The following SMARCA2 variants were observed in gnomAD, a reference collection of about 807,000 sequenced individuals.
SMARCA2 encodes the protein SWI/SNF-related matrix-associated actin-dependent regulator of chromatin subfamily A member 2.
Under a neutral mutation model 199.8 loss-of-function variants are expected in SMARCA2, and 61 were observed. The observed-to-expected ratio is 0.31, with a 90% confidence interval of 0.25 to 0.38. SMARCA2 has a LOEUF of 0.38. Ranked by LOEUF, SMARCA2 falls within the 10% of genes least tolerant of loss-of-function variation. SMARCA2 has a pLI of 1.00. For synonymous variants in SMARCA2, 935 were observed against 732.0 expected, an observed-to-expected ratio of 1.28 and a Z score of -4.48; for missense variants, 1,344 against 2,012.2, an observed-to-expected ratio of 0.67 and a Z score of 6.35.
At chr9:2,052,295 A>G (rs1282187864) in intron 5 of SMARCA2, among the ~76,000 whole-genome samples, 1 of 152,120 alleles carries the variant, frequency 6.6e-6, no homozygotes, top group East Asian at 1.9e-4. Flanking sequence ...CCAACATGGC[A>G]AAACCCCGTC....
At chr9:2,189,878 C>T (rs1004374142) in intron 32 of SMARCA2, among the ~76,000 whole-genome samples, 11 of 150,348 alleles carry the variant, frequency 7.3e-5, no homozygotes, top group African/African-American at 2.8e-4. Flanking sequence ...TTTTGTGGGT[C>T]CCTCTACTTC....
chr9:2,119,505 T>C lies in SMARCA2; in HGVS notation c.3732T>C (p.Ala1244=). The change falls in exon 26 of 34, where the codon GCT becomes GCC. Residue 1244 remains alanine (A), a synonymous_variant. Transcript: ENST00000349721. This position sits in a 1 kb window ranked among gnomAD's most constrained non-coding sequence, Gnocchi z 4.6. ...ATGAGACTCTGAACCAAATGATTGC[T>C]CGACGAGAAGAAGAATTTGACCTTT... is the stretch of plus-strand genomic sequence containing the variant. The part of the protein sequence containing the change: ...PDDETLNQMI[A]RREEEFDLFM... 6 of 1,613,180 alleles carry C rather than the reference T, an allele frequency of 3.7e-6. No individual in the cohort carries two copies. The highest frequency in any genetic ancestry group is 5.1e-6 in the Non-Finnish European group (6 of 1,179,196).
chr9:2,101,611 C>A lies in SMARCA2; in HGVS notation c.3120C>A (p.Ile1040=). ...ACCTAGGCTATTCAAATGGGGTCATCAATGGGTAAATCTCAAATTTTTTTT... is the reference window on the plus strand; with the variant it reads ...ACCTAGGCTATTCAAATGGGGTCATAAATGGGTAAATCTCAAATTTTTTTT... ...AEHLGYSNGV[I]NGAELYRASG... The change falls in exon 22 of 34, where the codon ATC becomes ATA. Residue 1040 remains isoleucine (I), a synonymous_variant. Coordinates refer to ENST00000349721, the MANE Select transcript of SMARCA2 (RefSeq NM_003070.5). 1.3e-6 allele frequency: 2 copies of A among 1,536,384 alleles called. No individual in the cohort carries two copies. The highest frequency in any genetic ancestry group is 1.8e-6 in the Non-Finnish European group (2 of 1,119,382).
intron 19 of SMARCA2, among the ~76,000 whole-genome samples, chr9:2,091,802 G>A (rs886894149): frequency 6.6e-6 from 1 of 152,110 alleles, no homozygotes; most frequent in Non-Finnish European, 1.5e-5. Context: ...CCATTCAATA[G>A]GTGCATAGTG....
intron 31 of SMARCA2, 22 bp from the exon 32 acceptor site, chr9:2,186,074 A>G (rs1297014796): frequency 2.5e-6 from 4 of 1,611,134 alleles, no homozygotes; most frequent in Non-Finnish European, 3.4e-6. Flanking sequence ...CAGTTTTAAC[A>G]GATGCCCCTT....
At chr9:2,054,843 T>C (rs911482169) in intron 6 of SMARCA2, 120 bp downstream of exon 6, 16 of 991,126 alleles carry the variant, frequency 1.6e-5, no homozygotes, top group Non-Finnish European at 2.2e-5. Context: ...GATATAAATA[T>C]AGTAAAATAG....
rs1336414670 is a variant in SMARCA2 at position 2,086,611 on chromosome 9, G to C, written c.2527-218G>C. 1.3e-5 allele frequency among the ~76,000 whole-genome samples: 2 copies of C among 152,182 alleles called. No homozygotes were observed. Among genetic ancestry groups the C allele is most frequent in the Admixed American group, 6.5e-5 (1 of 15,274 alleles). On this transcript the variant is annotated intron_variant, in intron 17 of 33. Transcript: ENST00000349721. The surrounding 1 kb of genome is among the most constrained non-coding windows in gnomAD (Gnocchi z 4.3). ...AAGTTGATTTGGAATTACGTGGTCT[G>C]TAAGGAACATTGTTCCTTTAACATT...
intron 28 of SMARCA2, among the ~76,000 whole-genome samples, chr9:2,168,237 C>T (rs941330853): frequency 6.6e-6 from 1 of 152,224 alleles, no homozygotes; most frequent in East Asian, 1.9e-4. Context: ...TCTCGAACTC[C>T]TGACCTCAGG....
Position 2,178,470 on chromosome 9 carries a change from C to T in SMARCA2, c.4254-3101C>T, listed in dbSNP as rs562002812. Among the ~76,000 whole-genome samples the T allele has an allele frequency of 7.2e-4, 109 of 152,206 alleles. 1 individual carries two copies. Among genetic ancestry groups the T allele is most frequent in the African/African-American group, 2.4e-3 (100 of 41,536 alleles). ...TTGTGTAAAATGACATAATGGAAAA[C>T]ACCTTGGGATAGGATAAGCATTTCA... is the stretch of plus-strand genomic sequence containing the variant. On this transcript the variant is annotated intron_variant, in intron 29 of 33. Transcript: ENST00000349721.
intron 27 of SMARCA2, among the ~76,000 whole-genome samples, chr9:2,136,186 C>CTTTT (rs35768052): frequency 7.6e-6 from 1 of 131,540 alleles, no homozygotes; most frequent in Non-Finnish European, 1.7e-5. Context: ...TCCCCTGCTT[C>CTTTT]TTTTTTTTTT....
intron 2 of SMARCA2, 70 bp downstream of exon 2, chr9:2,029,317 TC>T: frequency 6.5e-7 from 1 of 1,547,116 alleles, no homozygotes; most frequent in Non-Finnish European, 8.7e-7. Context: ...GATAACCCCA[TC>T]CCCCTTTCTA....
In SMARCA2 at chr9:2,075,378, A is replaced by AT. The variant is rs1166230739; in HGVS notation, c.1936-848dup. On this transcript the variant is annotated intron_variant, in intron 12 of 33. Transcript: ENST00000349721. ...AAATTCTACTGGATTGTCTGGAAAG[A>AT]TTTAGCCTTCTACACCAGGTTAGTA... 2.6e-5 allele frequency: 4 copies of AT among 152,340 alleles called. No homozygotes were observed. The South Asian group carries it at 8.3e-4, about 32-fold the overall frequency. The allele number at this position is 152,340 out of a possible 1,614,324, so 9.4% of individuals were successfully genotyped here. A position where few individuals can be genotyped will look rare whatever the true frequency, so the allele number is the denominator to read the frequency against.
At chr9:2,167,814 A>G (rs1826009144) in intron 28 of SMARCA2, among the ~76,000 whole-genome samples, 1 of 152,128 alleles carries the variant, frequency 6.6e-6, no homozygotes, top group South Asian at 2.1e-4. Context: ...CTATAGGGTA[A>G]AAAATTCCAG....
chr9:2,044,368 G>A (rs890120493), intron 4 of SMARCA2: 2 of 152,216 alleles, frequency 1.3e-5, no homozygotes, highest in African/African-American at 4.8e-5. Context: ...TCTGTGCTGA[G>A]GAGTTGTGTT....
intron 2 of SMARCA2, among the ~76,000 whole-genome samples, chr9:2,031,054 A>C (rs76973157): frequency 0.15 from 23,377 of 152,222 alleles, 1,986 homozygotes; most frequent in Admixed American, 0.22. Flanking sequence ...GTTCATTACA[A>C]ATACTGTGTA....
chr9:2,070,667 G>C (rs1821050848), intron 10 of SMARCA2, among the ~76,000 whole-genome samples, 196 bp downstream of exon 10: 1 of 152,176 alleles, frequency 6.6e-6, no homozygotes, highest in Non-Finnish European at 1.5e-5. Flanking sequence ...TTACATGTCA[G>C]ACTGTCAATC....
intron 1 of SMARCA2, among the ~76,000 whole-genome samples, chr9:2,025,401 G>C (rs1013119772): frequency 6.6e-6 from 1 of 152,140 alleles, no homozygotes; most frequent in African/African-American, 2.4e-5. Context: ...TTGTGGAACA[G>C]GTCGTTCTTT....
chr9:2,178,141 T>A (rs779004493), intron 29 of SMARCA2, among the ~76,000 whole-genome samples: 2 of 152,096 alleles, frequency 1.3e-5, no homozygotes, highest in East Asian at 3.9e-4. Context: ...CTCTTTTCCA[T>A]CTCGTACTCT....
In SMARCA2 at chr9:2,186,136, G is replaced by T; in HGVS notation, c.4502G>T (p.Ser1501Ile). The T allele has an allele frequency of 1.2e-6, 2 of 1,614,066 alleles. No homozygotes were observed. The highest frequency in any genetic ancestry group is 1.7e-6 in the Non-Finnish European group (2 of 1,179,924). ...DSIVLQSVFK[S>I]ARQKIAKEEE... ...ATCGTCTTACAGTCAGTGTTTAAGA[G>T]TGCCCGGCAGAAAATTGCCAAAGAG... Residue 1501 changes from serine to isoleucine, a missense_variant, in exon 32 of 34, where the codon AGT becomes ATT. Coordinates refer to ENST00000349721, the MANE Select transcript of SMARCA2 (RefSeq NM_003070.5).
Sources: gnomAD v4.1 joint callset for allele counts (sites outside exome capture counted in the v4.1 genomes callset) on GRCh38, gnomAD v4.1.1 for gene constraint, Gnocchi (gnomAD v3.1) non-coding constraint, MANE v1.5 for transcripts, NCBI Gene and HGNC (gene_info 2026-07-23, HGNC 2026-07-21) for gene names.